ADAMTSL3: variants seen among roughly 807,000 people sequenced by gnomAD.
The protein encoded by ADAMTSL3 is ADAMTS like 3.
In ADAMTSL3, 128 loss-of-function variants were observed where a neutral mutation model predicts 201.7. The observed-to-expected ratio is 0.63, with a 90% confidence interval of 0.55 to 0.73. ADAMTSL3 has a LOEUF of 0.73. Among genes scored for constraint, ADAMTSL3 ranks in the 30% least tolerant of loss-of-function variants. The pLI is 0.00. For missense variants in ADAMTSL3, 1,990 were observed against 2,119.6 expected, an observed-to-expected ratio of 0.94 and a Z score of 1.20; for synonymous variants, 738 against 748.4, an observed-to-expected ratio of 0.99 and a Z score of 0.23.
chr15:83,962,533 T>A (rs1263160751), intron 19 of ADAMTSL3: 1 of 152,248 alleles, frequency 6.6e-6, no homozygotes, highest in African/African-American at 2.4e-5. Context: ...TAATGTCTTT[T>A]TTTCTAATAT....
rs928884149 is a variant in ADAMTSL3, at chr15:83,982,441, G to A, written c.2813G>A (p.Arg938Gln). ...TSVIIKCPVR[R>Q]FQKSLIQWEK... Reference sequence around the variant, plus strand: ...GTGATTATTAAGTGCCCCGTGCGACGATTCCAGAAATCTCTGATCCAGTGG... The same window carrying A: ...GTGATTATTAAGTGCCCCGTGCGACAATTCCAGAAATCTCTGATCCAGTGG... Residue 938 changes from arginine to glutamine, a missense_variant, in exon 21 of 30, where the codon CGA becomes CAA. Transcript: ENST00000286744. 6 of 1,614,018 alleles carry A rather than the reference G, an allele frequency of 3.7e-6. No homozygotes were observed. The African/African-American group carries it at 4.0e-5, about 11-fold the overall frequency.
rs566078368 is a variant in ADAMTSL3, at chr15:84,031,447, C to G, written c.4754+15C>G. On this transcript the variant is annotated intron_variant, in intron 28 of 29. Coordinates refer to ENST00000286744, the MANE Select transcript of ADAMTSL3 (RefSeq NM_207517.3). ...GACAGAAAGAGGTAGGGGCCCCACC[C>G]CAGAGCAGCACACATTCTCTCCTGA... is the stretch of plus-strand genomic sequence containing the variant. The G allele has an allele frequency of 1.7e-5, 28 of 1,610,728 alleles. No homozygotes were observed. In the East Asian group the frequency reaches 6.2e-4, roughly 36 times the overall value.
At chr15:83,754,394 G>A (rs746049679) in intron 3 of ADAMTSL3, among the ~76,000 whole-genome samples, 2 of 152,030 alleles carry the variant, frequency 1.3e-5, no homozygotes, top group East Asian at 1.9e-4. Flanking sequence ...CTTGGCAAGC[G>A]TTCACCGGAG....
intron 6 of ADAMTSL3, among the ~76,000 whole-genome samples, chr15:83,835,421 G>T (rs2064248727): frequency 6.6e-6 from 1 of 152,038 alleles, no homozygotes; most frequent in Admixed American, 6.6e-5. Context: ...ACATTTGGAT[G>T]AATTGTAACT....
At chr15:84,025,480 C>A in intron 27 of ADAMTSL3, 44 bp downstream of exon 27, 2 of 1,544,744 alleles carry the variant, frequency 1.3e-6, no homozygotes, top group South Asian at 1.2e-5. Flanking sequence ...TATCTGTCCA[C>A]ACAGATAGTG....
intron 3 of ADAMTSL3, among the ~76,000 whole-genome samples, chr15:83,745,661 C>A (rs7165003): frequency 1.3e-5 from 2 of 152,190 alleles, no homozygotes; most frequent in South Asian, 4.1e-4. Context: ...ACCCAAGCGA[C>A]TGGCTAGTTC....
intron 17 of ADAMTSL3, among the ~76,000 whole-genome samples, chr15:83,931,807 A>C (rs1260091139): frequency 6.6e-6 from 1 of 152,232 alleles, no homozygotes; most frequent in Non-Finnish European, 1.5e-5. Flanking sequence ...GTCCCAAAGC[A>C]ATTGTAGCAA....
At chr15:83,704,614 A>G (rs1697467380) in intron 3 of ADAMTSL3, 106 bp downstream of exon 3, 1 of 1,447,742 alleles carries the variant, frequency 6.9e-7, no homozygotes, top group Admixed American at 2.0e-5. Flanking sequence ...TCTTTGCAAT[A>G]CAAGTACAAC....
intron 19 of ADAMTSL3, among the ~76,000 whole-genome samples, chr15:83,948,837 G>T (rs896310763): frequency 6.6e-6 from 1 of 151,846 alleles, no homozygotes; most frequent in African/African-American, 2.4e-5. Context: ...TGAATCACTA[G>T]GCAGATAACA....
In ADAMTSL3 at chr15:83,903,639, C is replaced by T. The variant is rs528292935; in HGVS notation, c.1700+3908C>T. ...TGAATTAGAAAAGGGGGATATCAGC[C>T]GGGCGCAGTGGCTCACGCCTATAAT... On this transcript the variant is annotated intron_variant, in intron 15 of 29. Transcript: ENST00000286744. Among the ~76,000 whole-genome samples the T allele has an allele frequency of 8.2e-4, 124 of 151,748 alleles. 2 individuals carry two copies. In the South Asian group the frequency reaches 0.022, roughly 27 times the overall value.
At chr15:83,823,972 T>TCATCTTCTTCTCCTC (rs1567170043) in intron 6 of ADAMTSL3, among the ~76,000 whole-genome samples, 5 of 71,106 alleles carry the variant, frequency 7.0e-5, no homozygotes, top group African/African-American at 1.7e-4. Context: ...TTCTTCTTCT[T>TCATCTTCTTCTCCTC]CTCCTCCTCC....
At chr15:83,802,265 T>C (rs186054105) in intron 4 of ADAMTSL3, among the ~76,000 whole-genome samples, 1 of 152,282 alleles carries the variant, frequency 6.6e-6, no homozygotes, top group Admixed American at 6.5e-5. Flanking sequence ...TAAATATGTA[T>C]TGTAAGTATG....
At chr15:83,721,029 A>G (rs1402418907) in intron 3 of ADAMTSL3, among the ~76,000 whole-genome samples, 1 of 152,260 alleles carries the variant, frequency 6.6e-6, no homozygotes, top group African/African-American at 2.4e-5. Context: ...AAATAAATGC[A>G]CAAGACATTT....
At chr15:83,894,056 C>T (rs1402206521) in intron 13 of ADAMTSL3, among the ~76,000 whole-genome samples, 1 of 152,084 alleles carries the variant, frequency 6.6e-6, no homozygotes, top group African/African-American at 2.4e-5. Context: ...GACATGCATG[C>T]AAACAAAGTT....
intron 20 of ADAMTSL3, among the ~76,000 whole-genome samples, chr15:83,976,917 G>T (rs1345493829): frequency 6.6e-6 from 1 of 152,110 alleles, no homozygotes; most frequent in Non-Finnish European, 1.5e-5. Flanking sequence ...CATTAACTTG[G>T]GGAATATAAG....
At chr15:83,825,205 G>A (rs2141937280) in intron 6 of ADAMTSL3, among the ~76,000 whole-genome samples, 1 of 152,068 alleles carries the variant, frequency 6.6e-6, no homozygotes, top group East Asian at 1.9e-4. Flanking sequence ...TTAAGGTTTG[G>A]GCTCTTTGAC....
chr15:84,037,783 T>C lies in ADAMTSL3; in HGVS notation c.5053T>C (p.Cys1685Arg). The C allele has an allele frequency of 6.2e-7, 1 of 1,613,978 alleles. No individual in the cohort carries two copies. Among genetic ancestry groups the C allele is most frequent in the Non-Finnish European group, 8.5e-7 (1 of 1,179,988 alleles). The change falls in exon 30 of 30, where the codon TGC becomes CGC. Residue 1685 changes from cysteine (C) to arginine (R), a missense_variant. Coordinates refer to ENST00000286744, the MANE Select transcript of ADAMTSL3 (RefSeq NM_207517.3). ...CSLDRYKQRCCQSCQEG is the reference protein window; with the variant it reads ...CSLDRYKQRCRQSCQEG ...TCTAGACCGCTACAAACAAAGGTGC[T>C]GCCAGTCATGTCAAGAGGGATAAAC...
At chr15:83,990,627 C>T (rs1327089865) in intron 22 of ADAMTSL3, among the ~76,000 whole-genome samples, 24 of 152,138 alleles carry the variant, frequency 1.6e-4, no homozygotes, top group Admixed American at 1.6e-3. Context: ...TCACATCCCT[C>T]CTTCCAGAAA....
At chr15:83,842,002 C>T (rs906638812) in intron 7 of ADAMTSL3, among the ~76,000 whole-genome samples, 1 of 151,472 alleles carries the variant, frequency 6.6e-6, no homozygotes, top group African/African-American at 2.4e-5. Context: ...CTAAGCGACC[C>T]GACTCCAGGG....
Sources: gnomAD v4.1 joint callset for allele counts (sites outside exome capture counted in the v4.1 genomes callset) on GRCh38, gnomAD v4.1.1 for gene constraint, MANE v1.5 for transcripts, NCBI Gene and HGNC (gene_info 2026-07-23, HGNC 2026-07-21) for gene names.